The following SPARCL1 variants were observed in gnomAD, a reference collection of about 807,000 sequenced individuals.
SPARCL1 encodes SPARC-like protein 1.
SPARCL1 carries 52 observed loss-of-function variants against 67.1 expected under a neutral mutation model. That is an observed-to-expected ratio of 0.78 (90% CI 0.62 to 0.98). The LOEUF (loss-of-function observed/expected upper bound fraction) is 0.98, where lower values mean the gene tolerates loss of function less well. Among genes scored for constraint, SPARCL1 ranks in the 50% least tolerant of loss-of-function variants. The pLI, the probability that SPARCL1 is intolerant of heterozygous loss-of-function variation, is 0.00. For missense variants in SPARCL1, 717 were observed against 782.4 expected (o/e 0.92, Z 1.00); for synonymous variants, 226 against 267.8 (o/e 0.84, Z 1.52).
intron 7 of SPARCL1, among the ~76,000 whole-genome samples, chr4:87,486,815 T>A (rs1724076961): frequency 6.6e-6 from 1 of 151,554 alleles, no homozygotes; most frequent in Non-Finnish European, 1.5e-5. Context: ...CATTATGTGA[T>A]GCCCTTCTTT....
At chr4:87,527,260 T>C (rs1038108328) in intron 1 of SPARCL1, among the ~76,000 whole-genome samples, 4 of 152,146 alleles carry the variant, frequency 2.6e-5, no homozygotes, top group African/African-American at 4.8e-5. Context: ...CCTGGCCTGG[T>C]TGGACATCTC....
At chr4:87,489,134 A>T (rs1247345732) in intron 7 of SPARCL1, among the ~76,000 whole-genome samples, 4 of 152,088 alleles carry the variant, frequency 2.6e-5, no homozygotes, top group African/African-American at 9.7e-5. Context: ...TGCCACTGGG[A>T]TATGGAAAAA....
At chr4:87,478,928 T>C (rs528218034) in intron 10 of SPARCL1, among the ~76,000 whole-genome samples, 99 of 152,272 alleles carry the variant, frequency 6.5e-4, no homozygotes, top group African/African-American at 2.2e-3. Context: ...GGTGAAGCCA[T>C]GGGTGAGTTT....
Position 87,495,276 on chromosome 4 carries a change from T to C in SPARCL1, c.55-149A>G, listed in dbSNP as rs74743263. On this transcript the variant is annotated intron_variant, in intron 2 of 10. Coordinates refer to ENST00000282470, the MANE Select transcript of SPARCL1 (RefSeq NM_004684.6). ...ATATTCTCTAGAGTTTTTGAGGATATAAGCAGATGCCTAGAACAGAATGTT... is the reference window on the plus strand; with the variant it reads ...ATATTCTCTAGAGTTTTTGAGGATACAAGCAGATGCCTAGAACAGAATGTT... 1.1e-3 allele frequency: 674 copies of C among 627,272 alleles called. 6 individuals are homozygous for C. In the African/African-American group the frequency reaches 0.012, roughly 11 times the overall value. 38.9% of individuals were successfully genotyped at this position (627,272 alleles called of 1,614,324 possible). A position where few individuals can be genotyped will look rare whatever the true frequency, so the allele number is the denominator to read the frequency against.
chr4:87,476,220 C>T (rs141856539), intron 10 of SPARCL1, among the ~76,000 whole-genome samples: 1 of 152,182 alleles, frequency 6.6e-6, no homozygotes, highest in African/African-American at 2.4e-5. Flanking sequence ...AGCCAGGGAC[C>T]TAGGCATTGC....
At chr4:87,482,353 C>T (rs988721987) in intron 8 of SPARCL1, 71 bp downstream of exon 8, 1 of 1,540,174 alleles carries the variant, frequency 6.5e-7, no homozygotes, top group Non-Finnish European at 8.8e-7. Context: ...GGTAGGTAGC[C>T]CCCCCACCAC....
At chr4:87,511,529 G>C (rs935357329) in intron 1 of SPARCL1, among the ~76,000 whole-genome samples, 1 of 152,198 alleles carries the variant, frequency 6.6e-6, no homozygotes, top group African/African-American at 2.4e-5. Flanking sequence ...TATTCAACCA[G>C]TTGAGCAGAG....
intron 1 of SPARCL1, among the ~76,000 whole-genome samples, chr4:87,519,594 A>G (rs894585284): frequency 3.3e-5 from 5 of 152,126 alleles, no homozygotes; most frequent in Non-Finnish European, 5.9e-5. Context: ...CTAAGAACCT[A>G]TTAGTTGACT....
rs775408684 is a variant in SPARCL1 at position 87,490,834 on chromosome 4, C to T, written c.1336G>A (p.Ala446Thr). Residue 446 changes from alanine (A) to threonine (T), a missense_variant, in exon 6 of 11, where the codon GCA becomes ACA. Ala to Thr is a moderately conservative substitution (Grantham distance 58, BLOSUM62 0). Transcript: ENST00000282470. ...FQCKRGHICK[A>T]DQQGKPHCVC... ...CAGTGAGGTTTTCCCTGTTGGTCTG[C>T]CTTACAGATGTGGCCTCTTTTACAC... 17 of 1,612,098 alleles carry T rather than the reference C, an allele frequency of 1.1e-5. No homozygotes were observed. The highest frequency in any genetic ancestry group is 1.4e-5 in the Non-Finnish European group (16 of 1,179,068).
chr4:87,508,966 G>A (rs546345915), intron 1 of SPARCL1, among the ~76,000 whole-genome samples: 2 of 146,820 alleles, frequency 1.4e-5, no homozygotes, highest in African/African-American at 5.0e-5. Flanking sequence ...GATCCCACAG[G>A]TTGAGGGCTA....
intron 2 of SPARCL1, 114 bp from the exon 3 acceptor site, chr4:87,495,241 C>A: frequency 1.2e-6 from 1 of 844,746 alleles, no homozygotes; most frequent in Non-Finnish European, 1.9e-6. Flanking sequence ...TTTATACCAA[C>A]AATTTAAAAA....
intron 1 of SPARCL1, among the ~76,000 whole-genome samples, chr4:87,514,300 G>A (rs574116529): frequency 1.3e-5 from 2 of 152,320 alleles, no homozygotes; most frequent in South Asian, 2.1e-4. Flanking sequence ...GAATCCTGGC[G>A]TAGCTGTATG....
chr4:87,506,988 C>T (rs1376235548), intron 1 of SPARCL1, among the ~76,000 whole-genome samples: 2 of 152,118 alleles, frequency 1.3e-5, no homozygotes, highest in Non-Finnish European at 2.9e-5. Flanking sequence ...TTTTTTCTCT[C>T]ATCTTCCTGA....
intron 1 of SPARCL1, among the ~76,000 whole-genome samples, chr4:87,522,943 G>A (rs1179961095): frequency 6.6e-6 from 1 of 152,120 alleles, no homozygotes; most frequent in Non-Finnish European, 1.5e-5. Flanking sequence ...GAGCAGCAAA[G>A]TACTATTCAA....
rs1560822109 is a variant in SPARCL1, at chr4:87,500,792, ACGCACATACGCG to A, written c.-11-1219_-11-1208del. ...TCACTTCACACACACGTACGCGCGC[ACGCACATACGCG>A]CGCACGCACACACTTCTCTTCCTCC... On this transcript the variant is annotated intron_variant, in intron 1 of 10. Coordinates refer to ENST00000282470, the MANE Select transcript of SPARCL1 (RefSeq NM_004684.6). Among the ~76,000 whole-genome samples, 321 of 105,248 alleles carry A rather than the reference ACGCACATACGCG, an allele frequency of 3.0e-3. 1 individual carries two copies. The highest frequency in any genetic ancestry group is 0.015 in the African/African-American group (307 of 19,822). The allele number at this position is 105,248 out of a possible 152,430, so 69.0% of individuals were successfully genotyped here.
In SPARCL1 at chr4:87,482,419, CT is replaced by C. The variant is rs772739589; in HGVS notation, c.1668+4del. 5.6e-6 allele frequency: 9 copies of C among 1,612,848 alleles called. No individual in the cohort carries two copies. The highest frequency in any genetic ancestry group is 6.8e-6 in the Non-Finnish European group (8 of 1,179,786). ...ATTGAAGAAGCTAACCTGTGGATAA[CT>C]TACTTTATTTCTCTGCTTCTCATTT... On this transcript the variant is annotated splice_donor_region_variant and intron_variant, in intron 8 of 10. Coordinates refer to ENST00000282470, the MANE Select transcript of SPARCL1 (RefSeq NM_004684.6).
intron 1 of SPARCL1, among the ~76,000 whole-genome samples, chr4:87,521,611 T>G (rs1026867708): frequency 1.3e-5 from 2 of 152,204 alleles, no homozygotes; most frequent in African/African-American, 4.8e-5. Context: ...CTTCCTTCCC[T>G]TCTGGGCCTA....
At chr4:87,491,815 G>A (rs1435414780) in intron 4 of SPARCL1, 125 bp from the exon 5 acceptor site, 2 of 748,146 alleles carry the variant, frequency 2.7e-6, no homozygotes, top group Non-Finnish European at 4.6e-6. Context: ...TCTCAGAAAG[G>A]GAAACCAGGC....
At chr4:87,476,582 T>C (rs1208896395) in intron 10 of SPARCL1, among the ~76,000 whole-genome samples, 1 of 152,240 alleles carries the variant, frequency 6.6e-6, no homozygotes, top group Non-Finnish European at 1.5e-5. Context: ...TTAGGGGAAC[T>C]TGCGTCATCT....
Sources: allele counts gnomAD v4.1 joint callset (sites outside exome capture counted in the v4.1 genomes callset), GRCh38; gene constraint gnomAD v4.1.1; transcripts MANE v1.5; gene names NCBI Gene and HGNC (gene_info 2026-07-23, HGNC 2026-07-21).